The following ZNF804B variants were observed in gnomAD, a reference collection of about 807,000 sequenced individuals.
ZNF804B encodes zinc finger 804B.
ZNF804B carries 80 observed loss-of-function variants against 101.4 expected under a neutral mutation model. The ratio of observed to expected loss-of-function variants is 0.79; its 90% confidence interval spans 0.66 to 0.95. The LOEUF (loss-of-function observed/expected upper bound fraction) is 0.95, where lower values mean the gene tolerates loss of function less well. Among genes scored for constraint, ZNF804B ranks in the 40% least tolerant of loss-of-function variants. ZNF804B has a pLI of 0.00. For synonymous variants in ZNF804B, 622 were observed against 558.8 expected (o/e 1.11, Z -1.59); for missense variants, 1,673 against 1,561.9 (o/e 1.07, Z -1.20).
At chr7:88,778,154 A>G (rs1459296050) in intron 1 of ZNF804B, among the ~76,000 whole-genome samples, 1 of 152,066 alleles carries the variant, frequency 6.6e-6, no homozygotes, top group Non-Finnish European at 1.5e-5. Context: ...CTCAAAAGAG[A>G]ATTCATTTTA....
intron 1 of ZNF804B, among the ~76,000 whole-genome samples, chr7:88,977,498 T>G (rs1481314177): frequency 6.6e-6 from 1 of 151,666 alleles, no homozygotes; most frequent in Non-Finnish European, 1.5e-5. Flanking sequence ...AAGGAATTTA[T>G]CCATTTCTTC....
chr7:89,147,290 C>G (rs1249545083), intron 1 of ZNF804B, among the ~76,000 whole-genome samples: 1 of 151,844 alleles, frequency 6.6e-6, no homozygotes, highest in Non-Finnish European at 1.5e-5. Flanking sequence ...AATCTTTAAC[C>G]CAGGTATTGG....
chr7:89,298,222 A>ATC (rs1790417794), intron 2 of ZNF804B, among the ~76,000 whole-genome samples: 2 of 82,518 alleles, frequency 2.4e-5, no homozygotes, highest in African/African-American at 1.2e-4. Flanking sequence ...GTGTGTATAT[A>ATC]TATATATATA....
chr7:89,040,868 A>T (rs562070581), intron 1 of ZNF804B, among the ~76,000 whole-genome samples: 58 of 152,086 alleles, frequency 3.8e-4, no homozygotes, highest in African/African-American at 1.4e-3. Flanking sequence ...AGAGCCTGAG[A>T]CTGTGGAAGC....
chr7:89,176,575 C>CTTTT (rs1791322565), intron 1 of ZNF804B, among the ~76,000 whole-genome samples: 4 of 78,680 alleles, frequency 5.1e-5, no homozygotes, highest in Admixed American at 1.3e-4. Context: ...TCTTTTTTTT[C>CTTTT]TTTCTTTCTT....
At chr7:88,883,687 A>G (rs535465159) in intron 1 of ZNF804B, among the ~76,000 whole-genome samples, 13 of 152,194 alleles carry the variant, frequency 8.5e-5, no homozygotes, top group African/African-American at 2.4e-4. Flanking sequence ...ACCACCAAAG[A>G]TTTTGATTTG....
At chr7:89,190,563 G>A (rs1283235096) in intron 1 of ZNF804B, among the ~76,000 whole-genome samples, 2 of 152,068 alleles carry the variant, frequency 1.3e-5, no homozygotes, top group Non-Finnish European at 2.9e-5. Context: ...AAACTTAGTT[G>A]ATAACGCAGC....
intron 1 of ZNF804B, among the ~76,000 whole-genome samples, chr7:88,844,766 C>T (rs17164703): frequency 0.065 from 9,856 of 152,172 alleles, 962 homozygotes; most frequent in African/African-American, 0.21. Flanking sequence ...TTTTAATTTT[C>T]TGTTTCATGC....
chr7:89,127,407 T>C (rs1383375206), intron 1 of ZNF804B, among the ~76,000 whole-genome samples: 1 of 151,866 alleles, frequency 6.6e-6, no homozygotes, highest in Non-Finnish European at 1.5e-5. Flanking sequence ...GGCAGAGTTA[T>C]CTTAAGTGAA....
intron 1 of ZNF804B, among the ~76,000 whole-genome samples, chr7:88,774,473 G>A (rs184238589): frequency 7.9e-5 from 12 of 152,188 alleles, no homozygotes; most frequent in East Asian, 1.9e-4. Flanking sequence ...TGTAAGAGAA[G>A]CACAGTTGGC....
rs143145255 is a variant in ZNF804B at position 89,310,653 on chromosome 7, C to T, written c.250-16691C>T. Among the ~76,000 whole-genome samples the T allele has an allele frequency of 4.0e-3, 612 of 152,168 alleles. 3 individuals are homozygous for T. Among genetic ancestry groups the T allele is most frequent in the African/African-American group, 0.014 (581 of 41,528 alleles). On this transcript the variant is annotated intron_variant, in intron 2 of 3. Transcript: ENST00000333190. ...ATTCTCAGCAGCAGGCATCGCTGAC[C>T]CTAAACTAGAGTATAAAAGAGTGGG...
chr7:88,850,864 G>T (rs768948989), intron 1 of ZNF804B, among the ~76,000 whole-genome samples: 1 of 151,982 alleles, frequency 6.6e-6, no homozygotes, highest in East Asian at 1.9e-4. Flanking sequence ...TAGTAAAACT[G>T]TATTAAAACA....
At chr7:89,245,246 C>A (rs1412462544) in intron 2 of ZNF804B, among the ~76,000 whole-genome samples, 1 of 151,388 alleles carries the variant, frequency 6.6e-6, no homozygotes, top group Non-Finnish European at 1.5e-5. Context: ...ATTTAGAAAA[C>A]AAAAAATAAA....
intron 1 of ZNF804B, among the ~76,000 whole-genome samples, chr7:88,860,268 C>T (rs1357203904): frequency 6.6e-6 from 1 of 151,890 alleles, no homozygotes; most frequent in Non-Finnish European, 1.5e-5. Context: ...TGGGTAAAGA[C>T]TTGTGTTTGC....
intron 1 of ZNF804B, among the ~76,000 whole-genome samples, chr7:88,973,477 A>C (rs535550986): frequency 1.3e-5 from 2 of 151,504 alleles, no homozygotes; most frequent in Admixed American, 6.6e-5. Context: ...ACATGTATCA[A>C]TAAAACCTGG....
chr7:88,995,625 T>A (rs559527933), intron 1 of ZNF804B, among the ~76,000 whole-genome samples: 5 of 150,546 alleles, frequency 3.3e-5, no homozygotes, highest in Non-Finnish European at 7.4e-5. Flanking sequence ...TTATGACTTA[T>A]GTTATAGAAC....
At chr7:89,014,914 A>C (rs938486964) in intron 1 of ZNF804B, among the ~76,000 whole-genome samples, 1 of 152,190 alleles carries the variant, frequency 6.6e-6, no homozygotes, top group Non-Finnish European at 1.5e-5. Context: ...TTATTCATAA[A>C]ACCTTTTCCC....
intron 1 of ZNF804B, among the ~76,000 whole-genome samples, chr7:88,870,761 T>A (rs925918008): frequency 6.6e-6 from 1 of 152,146 alleles, no homozygotes; most frequent in Non-Finnish European, 1.5e-5. Flanking sequence ...TGACCCCTGA[T>A]CAAAACAGTT....
intron 1 of ZNF804B, among the ~76,000 whole-genome samples, chr7:88,925,728 G>T (rs1000946426): frequency 4.6e-5 from 7 of 152,300 alleles, no homozygotes; most frequent in Admixed American, 6.5e-5. Flanking sequence ...CTTTGTAGGA[G>T]CAGGTGTGCC....
Sources: allele counts gnomAD v4.1 joint callset (sites outside exome capture counted in the v4.1 genomes callset), GRCh38; gene constraint gnomAD v4.1.1; transcripts MANE v1.5; gene names NCBI Gene and HGNC (gene_info 2026-07-23, HGNC 2026-07-21).